The following HDGFL3 variants were observed in gnomAD, a reference collection of about 807,000 sequenced individuals.
The protein encoded by HDGFL3 is HDGF like 3.
HDGFL3 carries 6 observed loss-of-function variants against 27.6 expected under a neutral mutation model. That is an observed-to-expected ratio of 0.22 (90% CI 0.12 to 0.43). HDGFL3 has a LOEUF of 0.43. Among genes scored for constraint, HDGFL3 ranks in the 20% least tolerant of loss-of-function variants. The probability of loss-of-function intolerance (pLI) is 1.00; values close to 1 mark genes in which losing one functional copy is unlikely to be tolerated. For missense variants in HDGFL3, 207 were observed against 250.1 expected (o/e 0.83, Z 1.16); for synonymous variants, 88 against 88.9 (o/e 0.99, Z 0.05).
At chr15:83,163,198 G>A (rs2037122386) in intron 2 of HDGFL3, among the ~76,000 whole-genome samples, 1 of 152,196 alleles carries the variant, frequency 6.6e-6, no homozygotes, top group Non-Finnish European at 1.5e-5. Context: ...GCTGTCTGAT[G>A]TTTCCTTTAA....
intron 5 of HDGFL3, among the ~76,000 whole-genome samples, chr15:83,140,613 C>G (rs2036750442): frequency 1.3e-5 from 2 of 151,614 alleles, no homozygotes; most frequent in Non-Finnish European, 2.9e-5. Context: ...TCCTGAGTAG[C>G]TGGGATTACA....
intron 1 of HDGFL3, among the ~76,000 whole-genome samples, chr15:83,182,695 G>A (rs1252152734): frequency 6.6e-6 from 1 of 152,026 alleles, no homozygotes; most frequent in Non-Finnish European, 1.5e-5. Flanking sequence ...ATTTTATACA[G>A]GTCTCATGAA....
intron 1 of HDGFL3, among the ~76,000 whole-genome samples, chr15:83,184,377 C>T (rs1034332609): frequency 2.6e-5 from 4 of 152,190 alleles, no homozygotes; most frequent in African/African-American, 9.7e-5. Context: ...TATGCTTGTA[C>T]TATGATGTCT....
At chr15:83,166,101 G>A (rs958163280) in intron 1 of HDGFL3, among the ~76,000 whole-genome samples, 3 of 152,040 alleles carry the variant, frequency 2.0e-5, no homozygotes, top group Admixed American at 1.3e-4. Flanking sequence ...GAAATCCAGA[G>A]AATACTGGTA....
intron 1 of HDGFL3, among the ~76,000 whole-genome samples, chr15:83,204,953 G>A (rs1000930528): frequency 6.6e-6 from 1 of 152,162 alleles, no homozygotes; most frequent in Non-Finnish European, 1.5e-5. Flanking sequence ...CTCCATTCCT[G>A]TATGAACCAG....
At chr15:83,159,180 T>C (rs1173686213) in intron 2 of HDGFL3, among the ~76,000 whole-genome samples, 1 of 152,132 alleles carries the variant, frequency 6.6e-6, no homozygotes, top group African/African-American at 2.4e-5. Context: ...TAGTGTTTAA[T>C]GAGGCACTAA....
intron 5 of HDGFL3, among the ~76,000 whole-genome samples, chr15:83,147,146 T>TCCA (rs1174062414): frequency 6.6e-6 from 1 of 151,948 alleles, no homozygotes; most frequent in Admixed American, 6.6e-5. Context: ...CACTGCAACC[T>TCCA]CCACCTCCCG....
chr15:83,147,887 C>A (rs1004699264), intron 5 of HDGFL3, among the ~76,000 whole-genome samples: 1 of 152,050 alleles, frequency 6.6e-6, no homozygotes, highest in Non-Finnish European at 1.5e-5. Context: ...ATATGATGAT[C>A]CATGTTAGTT....
chr15:83,118,238 C>CGT (rs2034875616), intron 3 of HDGFL3, among the ~76,000 whole-genome samples: 2 of 86,074 alleles, frequency 2.3e-5, no homozygotes, highest in Admixed American at 1.1e-4. Context: ...CGTACACACA[C>CGT]ACACACACAC....
At chr15:83,163,323 C>T (rs1043361056) in intron 2 of HDGFL3, among the ~76,000 whole-genome samples, 1 of 152,202 alleles carries the variant, frequency 6.6e-6, no homozygotes, top group Non-Finnish European at 1.5e-5. Context: ...CTCCTTCCCA[C>T]TGCCTGCAAG....
At position 83,132,662 on chromosome 15, in the gene HDGFL3, G is replaced by A. The variant is rs951656296; in HGVS notation, c.*6608C>T. On this transcript the variant is annotated 3_prime_UTR_variant, in exon 6 of 6. Transcript: ENST00000299633. ...TCCCGCCTTGGCATCCCAAAGTGCT[G>A]GGATTATAGGTATGAGCCACCACGC... The A allele has an allele frequency of 1.1e-4, 16 of 152,090 alleles. No individual in the cohort carries two copies. The highest frequency in any genetic ancestry group is 9.2e-4 in the Admixed American group (14 of 15,260). 9.4% of individuals were successfully genotyped at this position (152,090 alleles called of 1,614,324 possible).
downstream of HDGFL3, among the ~76,000 whole-genome samples, chr15:83,126,576 G>A (rs185938894): frequency 1.4e-4 from 22 of 152,250 alleles, no homozygotes; most frequent in African/African-American, 5.3e-4. Flanking sequence ...ATTAACCTTT[G>A]CTTAGTCTCC....
chr15:83,203,250 G>A (rs2037672313), intron 1 of HDGFL3, among the ~76,000 whole-genome samples: 1 of 151,998 alleles, frequency 6.6e-6, no homozygotes, highest in Admixed American at 6.5e-5. Context: ...CTCAGCGGAA[G>A]GTTTGGGTGG....
At chr15:83,152,210 G>A (rs189219542) in intron 4 of HDGFL3, among the ~76,000 whole-genome samples, 36 of 152,352 alleles carry the variant, frequency 2.4e-4, no homozygotes, top group African/African-American at 8.7e-4. Flanking sequence ...AGAAATGAAT[G>A]AGCAAACTGA....
chr15:83,201,900 G>C (rs890524684), intron 1 of HDGFL3, among the ~76,000 whole-genome samples: 1 of 152,160 alleles, frequency 6.6e-6, no homozygotes, highest in African/African-American at 2.4e-5. Context: ...CTGGGAAAAA[G>C]ACTGAGTGAG....
chr15:83,157,497 CCTT>C lies in HDGFL3; in HGVS notation c.374_376del (p.Glu125del). The C allele has an allele frequency of 6.2e-7, 1 of 1,613,604 alleles. No homozygotes were observed. Among genetic ancestry groups the C allele is most frequent in the Non-Finnish European group, 8.5e-7 (1 of 1,179,576 alleles). ...TTTTCCATCTTCTTCTACTCTATCA[CCTT>C]CTTCCTCACTGCTTGCATCTGCAGT... On this transcript the variant is annotated inframe_deletion, in exon 4 of 6. Coordinates refer to ENST00000299633, the MANE Select transcript of HDGFL3 (RefSeq NM_016073.4).
At chr15:83,171,605 T>C (rs1375032301) in intron 1 of HDGFL3, among the ~76,000 whole-genome samples, 2 of 152,230 alleles carry the variant, frequency 1.3e-5, no homozygotes, top group Non-Finnish European at 2.9e-5. Context: ...TGGATGCAGC[T>C]GGAGGCCATT....
chr15:83,156,159 T>C (rs1157440313), intron 4 of HDGFL3, among the ~76,000 whole-genome samples: 1 of 152,192 alleles, frequency 6.6e-6, no homozygotes, highest in Non-Finnish European at 1.5e-5. Context: ...AAAAACATGC[T>C]AAACTCTTCC....
At chr15:83,145,896 CCTTTT>C (rs2036882775) in intron 5 of HDGFL3, among the ~76,000 whole-genome samples, 3 of 98,984 alleles carry the variant, frequency 3.0e-5, no homozygotes, top group Non-Finnish European at 5.9e-5. Flanking sequence ...CTTTCTTCTT[CCTTTT>C]TTTTTTTTTT....
Sources: allele counts gnomAD v4.1 joint callset (sites outside exome capture counted in the v4.1 genomes callset), GRCh38; gene constraint gnomAD v4.1.1; transcripts MANE v1.5; gene names NCBI Gene and HGNC (gene_info 2026-07-23, HGNC 2026-07-21).